The following HAO1 variants were observed in gnomAD, a reference collection of about 807,000 sequenced individuals.
HAO1 encodes hydroxyacid oxidase 1.
In HAO1, 34 loss-of-function variants were observed where a neutral mutation model predicts 39.7. The ratio of observed to expected loss-of-function variants is 0.86; its 90% CI spans 0.65 to 1.14. HAO1 has a LOEUF of 1.14. Among genes scored for constraint, HAO1 ranks in the 50% most tolerant of loss-of-function variants. HAO1 has a pLI of 0.00. For missense variants in HAO1, 479 were observed against 464.5 expected (o/e 1.03, Z -0.29); for synonymous variants, 172 against 173.2 (o/e 0.99, Z 0.05).
At chr20:7,892,523 A>C (rs558347769) in intron 5 of HAO1, among the ~76,000 whole-genome samples, 80 of 152,312 alleles carry the variant, frequency 5.3e-4, no homozygotes, top group African/African-American at 1.9e-3. Context: ...TATGAATGTC[A>C]CTAAATCAAC....
intron 1 of HAO1, among the ~76,000 whole-genome samples, chr20:7,936,261 CTT>C (rs2050409533): frequency 6.6e-6 from 1 of 152,074 alleles, no homozygotes; most frequent in African/African-American, 2.4e-5. Flanking sequence ...TGCTGAAAGT[CTT>C]TTCTTCTTGA....
chr20:7,935,243 C>G (rs2050404879), intron 1 of HAO1, among the ~76,000 whole-genome samples: 1 of 152,076 alleles, frequency 6.6e-6, no homozygotes, highest in Admixed American at 6.6e-5. Context: ...TATCATTTGT[C>G]CAGTCATTCC....
intron 3 of HAO1, among the ~76,000 whole-genome samples, chr20:7,911,472 G>T (rs1433462450): frequency 6.6e-6 from 1 of 152,166 alleles, no homozygotes; most frequent in Non-Finnish European, 1.5e-5. Context: ...TATGGAGAAA[G>T]AAAAAGTTCC....
chr20:7,926,097 T>C (rs2050358117), intron 2 of HAO1, among the ~76,000 whole-genome samples: 1 of 152,132 alleles, frequency 6.6e-6, no homozygotes, highest in Non-Finnish European at 1.5e-5. Context: ...AGAAAGAGCA[T>C]GTCACTGACT....
chr20:7,910,117 AGT>A (rs1320213177), intron 3 of HAO1, among the ~76,000 whole-genome samples: 2 of 152,226 alleles, frequency 1.3e-5, no homozygotes, highest in African/African-American at 4.8e-5. Flanking sequence ...ACTACATGCC[AGT>A]GTTTTCAATG....
intron 3 of HAO1, among the ~76,000 whole-genome samples, chr20:7,911,773 G>C (rs1035582970): frequency 1.3e-5 from 2 of 152,208 alleles, no homozygotes; most frequent in African/African-American, 4.8e-5. Flanking sequence ...TGGATTTCCT[G>C]CCTCCCTTGC....
rs1213525405 is a variant in HAO1, at chr20:7,914,230, T to C, written c.479A>G (p.Asp160Gly). ...CAGACGGTTGCCCAGGTAAGGTGTG[T>C]CCACTGTCACAAATATGGCCTTGTA... is the stretch of plus-strand genomic sequence containing the variant. ...MGYKAIFVTV[D>G]TPYLGNRLDD... Residue 160 changes from aspartate (D) to glycine (G), a missense_variant, in exon 3 of 8, where the codon GAC becomes GGC. By Grantham distance (94) the Asp-to-Gly change is moderately conservative. Coordinates refer to ENST00000378789, the MANE Select transcript of HAO1 (RefSeq NM_017545.3). The C allele has an allele frequency of 5.6e-6, 9 of 1,613,916 alleles. No homozygotes were observed. The Admixed American group carries it at 1.3e-4, about 24-fold the overall frequency.
rs150618191 is a variant in HAO1, at chr20:7,895,160, A to C, written c.786T>G (p.Ala262=). ...TGGCTGGCACCCCATCGAGTTGTCGAGCCCCATGATTCGACACCAAGATCC... is the reference window on the plus strand; with the variant it reads ...TGGCTGGCACCCCATCGAGTTGTCGCGCCCCATGATTCGACACCAAGATCC... ...LNGILVSNHG[A]RQLDGVPATI... is the part of the protein sequence containing the mutation. The change falls in exon 5 of 8, where the codon GCT becomes GCG. Residue 262 remains alanine (A), a synonymous_variant. Coordinates refer to ENST00000378789, the MANE Select transcript of HAO1 (RefSeq NM_017545.3). 6.2e-7 allele frequency: 1 copy of C among 1,612,346 alleles called. No individual in the cohort carries two copies. Among genetic ancestry groups the C allele is most frequent in the Non-Finnish European group, 8.5e-7 (1 of 1,178,540 alleles).
intron 2 of HAO1, among the ~76,000 whole-genome samples, chr20:7,932,406 C>T (rs190580897): frequency 1.3e-5 from 2 of 152,276 alleles, no homozygotes; most frequent in East Asian, 3.9e-4. Flanking sequence ...TATTTCCATT[C>T]TCTTCATGGT....
chr20:7,935,108 A>G (rs1043107263), intron 1 of HAO1, among the ~76,000 whole-genome samples: 1 of 152,220 alleles, frequency 6.6e-6, no homozygotes, highest in African/African-American at 2.4e-5. Flanking sequence ...ATCATTCAGT[A>G]TGTAGCCTTT....
At chr20:7,900,638 C>G (rs1354881168) in intron 4 of HAO1, among the ~76,000 whole-genome samples, 1 of 152,108 alleles carries the variant, frequency 6.6e-6, no homozygotes, top group Non-Finnish European at 1.5e-5. Flanking sequence ...TCTGACTGCT[C>G]CACTCACTGG....
intron 4 of HAO1, among the ~76,000 whole-genome samples, chr20:7,899,219 C>T (rs867855431): frequency 2.6e-5 from 4 of 151,904 alleles, no homozygotes; most frequent in South Asian, 2.1e-4. Context: ...CTTAACTTCT[C>T]GGTGCATCAT....
chr20:7,926,878 A>T (rs1361399740), intron 2 of HAO1, among the ~76,000 whole-genome samples: 8 of 148,040 alleles, frequency 5.4e-5, no homozygotes, highest in Admixed American at 2.7e-4. Context: ...TTTTTTTTTG[A>T]CAGTTTAATA....
At chr20:7,929,125 A>G (rs2050375175) in intron 2 of HAO1, among the ~76,000 whole-genome samples, 2 of 152,116 alleles carry the variant, frequency 1.3e-5, no homozygotes, top group African/African-American at 2.4e-5. Flanking sequence ...GGACATTTAC[A>G]TTACAAGCCT....
At chr20:7,930,952 A>AT (rs1462658505) in intron 2 of HAO1, among the ~76,000 whole-genome samples, 1 of 152,198 alleles carries the variant, frequency 6.6e-6, no homozygotes, top group Non-Finnish European at 1.5e-5. Flanking sequence ...GTCCCACAAC[A>AT]TAAACACACC....
chr20:7,901,965 C>T (rs1600109388), intron 4 of HAO1, among the ~76,000 whole-genome samples: 2 of 152,146 alleles, frequency 1.3e-5, no homozygotes, highest in East Asian at 3.9e-4. Context: ...GTAAGATAAC[C>T]GAATTAGATG....
chr20:7,900,287 A>G (rs2050215847), intron 4 of HAO1, among the ~76,000 whole-genome samples: 1 of 152,166 alleles, frequency 6.6e-6, no homozygotes, highest in Non-Finnish European at 1.5e-5. Flanking sequence ...CATCTAGGAA[A>G]GACCCTCCAC....
At position 7,883,138 on chromosome 20, in the gene HAO1, T is replaced by A. The variant is rs531191660; in HGVS notation, c.*455A>T. On this transcript the variant is annotated 3_prime_UTR_variant, in exon 8 of 8. Coordinates refer to ENST00000378789, the MANE Select transcript of HAO1 (RefSeq NM_017545.3). ...ATTCCAATTCTCTCCAGTGCTACCT[T>A]CTCAAAGTTGTGAATCAGGCATTAC... 150 of 164,196 alleles carry A rather than the reference T, an allele frequency of 9.1e-4. 1 individual carries two copies. Among genetic ancestry groups the A allele is most frequent in the African/African-American group, 3.5e-3 (146 of 41,842 alleles). The allele number at this position is 164,196 out of a possible 1,614,324, so 10.2% of individuals were successfully genotyped here. A position where few individuals can be genotyped will look rare whatever the true frequency, so the allele number is the denominator to read the frequency against.
chr20:7,935,908 A>G (rs1430057303), intron 1 of HAO1, among the ~76,000 whole-genome samples: 1 of 152,204 alleles, frequency 6.6e-6, no homozygotes, highest in Non-Finnish European at 1.5e-5. Context: ...TCTAACCAGC[A>G]TTCACCTAGT....
Sources: gnomAD v4.1 joint callset for allele counts (sites outside exome capture counted in the v4.1 genomes callset) on GRCh38, gnomAD v4.1.1 for gene constraint, MANE v1.5 for transcripts, NCBI Gene and HGNC (gene_info 2026-07-23, HGNC 2026-07-21) for gene names.